PCDH9: variants seen among roughly 807,000 people sequenced by gnomAD.
The protein encoded by PCDH9 is protocadherin-9.
In PCDH9, 24 loss-of-function variants were observed where a neutral mutation model predicts 70.6. That is an observed-to-expected ratio of 0.34 (90% CI 0.25 to 0.48). The LOEUF is 0.48. Among genes scored for constraint, PCDH9 ranks in the 20% least tolerant of loss-of-function variants. The probability of loss-of-function intolerance (pLI) is 0.99; values close to 1 mark genes in which losing one functional copy is unlikely to be tolerated. For missense variants in PCDH9, 1,281 were observed against 1,503.6 expected, an observed-to-expected ratio of 0.85 and a Z score of 2.45; for synonymous variants, 562 against 558.5, an observed-to-expected ratio of 1.01 and a Z score of -0.09.
At chr13:67,056,241 A>G (rs2138111440) in intron 2 of PCDH9, among the ~76,000 whole-genome samples, 1 of 152,316 alleles carries the variant, frequency 6.6e-6, no homozygotes, top group African/African-American at 2.4e-5. Flanking sequence ...TTGGCACTTA[A>G]AAAACAGCAC....
At chr13:66,831,647 T>C (rs1027906681) in intron 3 of PCDH9, among the ~76,000 whole-genome samples, 3 of 152,138 alleles carry the variant, frequency 2.0e-5, no homozygotes, top group African/African-American at 7.2e-5. Flanking sequence ...GAATTTCATC[T>C]CAAGCACCAA....
chr13:66,844,879 C>A (rs2081179499), intron 3 of PCDH9, among the ~76,000 whole-genome samples: 1 of 152,120 alleles, frequency 6.6e-6, no homozygotes, highest in Non-Finnish European at 1.5e-5. Context: ...TAAAAGAAAG[C>A]CCAAAAGCCA....
At chr13:66,782,872 T>C (rs372472387) in intron 3 of PCDH9, 2 of 152,354 alleles carry the variant, frequency 1.3e-5, no homozygotes, top group African/African-American at 4.8e-5. Context: ...ATGGATATTA[T>C]TAATGTTTCT....
chr13:66,812,426 AAC>A (rs1272105622), intron 3 of PCDH9, among the ~76,000 whole-genome samples: 5 of 152,226 alleles, frequency 3.3e-5, no homozygotes, highest in African/African-American at 1.2e-4. Flanking sequence ...ATATTTAAAT[AAC>A]AAAGAATAGA....
intron 3 of PCDH9, among the ~76,000 whole-genome samples, chr13:66,650,786 C>G (rs1051171279): frequency 6.6e-6 from 1 of 151,814 alleles, no homozygotes; most frequent in Non-Finnish European, 1.5e-5. Flanking sequence ...TATCAGGCCA[C>G]AAGACAAGTC....
chr13:66,796,526 C>G (rs775425286), intron 3 of PCDH9, among the ~76,000 whole-genome samples: 1 of 152,130 alleles, frequency 6.6e-6, no homozygotes, highest in Admixed American at 6.6e-5. Flanking sequence ...AAAAGTGTAA[C>G]TGTGTTTTAG....
chr13:66,383,015 G>A (rs1027182526), intron 4 of PCDH9, among the ~76,000 whole-genome samples: 1 of 129,066 alleles, frequency 7.7e-6, no homozygotes, highest in Non-Finnish European at 1.6e-5. Context: ...GCAATAGAGC[G>A]AGACTTTGTC....
chr13:66,913,512 G>C (rs552277322), intron 2 of PCDH9, among the ~76,000 whole-genome samples: 9 of 152,012 alleles, frequency 5.9e-5, no homozygotes, highest in African/African-American at 2.2e-4. Flanking sequence ...CTATGTAGGG[G>C]GTGTTGGGCT....
intron 3 of PCDH9, among the ~76,000 whole-genome samples, chr13:66,700,945 T>A (rs1484990944): frequency 7.6e-6 from 1 of 132,300 alleles, no homozygotes; most frequent in Non-Finnish European, 1.6e-5. Context: ...TATATATATA[T>A]ATATATATAT....
intron 4 of PCDH9, among the ~76,000 whole-genome samples, chr13:66,420,130 C>G (rs960598619): frequency 1.9e-4 from 29 of 152,156 alleles, no homozygotes; most frequent in Admixed American, 1.7e-3. Flanking sequence ...TAGATTCCTC[C>G]TCTCTGGCCA....
chr13:67,212,735 A>G (rs889660642), intron 2 of PCDH9: 1 of 152,182 alleles, frequency 6.6e-6, no homozygotes, highest in Non-Finnish European at 1.5e-5. Flanking sequence ...ATATCATCTC[A>G]TTGTTAGACT....
chr13:67,213,206 CAAAAAAAAAAAAA>C (rs34813503), intron 2 of PCDH9: 10 of 20,542 alleles, frequency 4.9e-4, no homozygotes, highest in African/African-American at 1.0e-3. Flanking sequence ...GACTCCGTCA[CAAAAAAAAAAAAA>C]AAAAAAAAAA....
intron 4 of PCDH9, among the ~76,000 whole-genome samples, chr13:66,348,300 T>A (rs1210997972): frequency 6.6e-6 from 1 of 152,142 alleles, no homozygotes; most frequent in Non-Finnish European, 1.5e-5. Flanking sequence ...CCATTCAACA[T>A]TCCCTGTCTT....
At chr13:67,018,149 A>G (rs368955214) in intron 2 of PCDH9, among the ~76,000 whole-genome samples, 17 of 152,340 alleles carry the variant, frequency 1.1e-4, no homozygotes, top group African/African-American at 3.8e-4. Flanking sequence ...AAATTCATTC[A>G]GCAAATACTA....
intron 4 of PCDH9, among the ~76,000 whole-genome samples, chr13:66,564,937 C>T (rs114442071): frequency 7.2e-5 from 11 of 151,806 alleles, no homozygotes; most frequent in African/African-American, 2.7e-4. Context: ...TATACTCATG[C>T]ACATGGATGT....
intron 2 of PCDH9, among the ~76,000 whole-genome samples, chr13:67,075,030 A>T (rs1462179084): frequency 6.6e-6 from 1 of 151,846 alleles, no homozygotes; most frequent in African/African-American, 2.4e-5. Context: ...ATCAATTGTC[A>T]TGGGTACTTC....
chr13:66,342,788 T>A (rs913033107), intron 4 of PCDH9, among the ~76,000 whole-genome samples: 3 of 142,294 alleles, frequency 2.1e-5, no homozygotes, highest in African/African-American at 7.7e-5. Context: ...TTATTGTATT[T>A]ATTTATTGTA....
At chr13:67,016,293 G>T (rs2084559148) in intron 2 of PCDH9, among the ~76,000 whole-genome samples, 1 of 152,078 alleles carries the variant, frequency 6.6e-6, no homozygotes, top group African/African-American at 2.4e-5. Context: ...TGATACAGTG[G>T]GGATTAAAAA....
At chr13:66,342,390 TA>T (rs1956142495) in intron 4 of PCDH9, among the ~76,000 whole-genome samples, 1 of 152,208 alleles carries the variant, frequency 6.6e-6, no homozygotes, top group Non-Finnish European at 1.5e-5. Context: ...TGGGCAACTA[TA>T]ATAATCATCA....
Sources: gnomAD v4.1 joint callset for allele counts (sites outside exome capture counted in the v4.1 genomes callset) on GRCh38, gnomAD v4.1.1 for gene constraint, MANE v1.5 for transcripts, NCBI Gene and HGNC (gene_info 2026-07-23, HGNC 2026-07-21) for gene names.